AGAP1: variants seen among roughly 807,000 people sequenced by gnomAD.
AGAP1 encodes the protein arf-GAP with GTPase, ANK repeat and PH domain-containing protein 1.
In AGAP1, 29 loss-of-function variants were observed where a neutral mutation model predicts 105.3. The observed-to-expected ratio is 0.28, with a 90% CI of 0.21 to 0.38. The LOEUF (loss-of-function observed/expected upper bound fraction) is 0.38. Among genes scored for constraint, AGAP1 ranks in the 10% least tolerant of loss-of-function variants. AGAP1 has a pLI of 1.00. For missense variants in AGAP1, 998 were observed against 1,165.1 expected (o/e 0.86, Z 2.09); for synonymous variants, 509 against 485.9 (o/e 1.05, Z -0.63).
chr2:235,735,996 C>T (rs1041988641), intron 3 of AGAP1, among the ~76,000 whole-genome samples: 1 of 151,956 alleles, frequency 6.6e-6, no homozygotes, highest in Non-Finnish European at 1.5e-5. Flanking sequence ...TTCTCACCTC[C>T]CTCTGCTCTA....
intron 6 of AGAP1, among the ~76,000 whole-genome samples, chr2:235,797,189 T>C (rs533707701): frequency 1.3e-5 from 2 of 152,194 alleles, no homozygotes; most frequent in Non-Finnish European, 2.9e-5. Context: ...CTGCCTTATT[T>C]AGGATTATTT....
chr2:235,941,238 C>T (rs1158420812), intron 12 of AGAP1, among the ~76,000 whole-genome samples: 8 of 152,200 alleles, frequency 5.3e-5, no homozygotes, highest in Non-Finnish European at 1.0e-4. Context: ...TTTCCTCCCT[C>T]GGATCATCTT....
intron 1 of AGAP1, among the ~76,000 whole-genome samples, chr2:235,706,531 A>G (rs1240052491): frequency 6.6e-6 from 1 of 151,978 alleles, no homozygotes; most frequent in East Asian, 1.9e-4. Flanking sequence ...GCGTATACAT[A>G]TTTTGCACCC....
chr2:235,620,210 T>C lies in AGAP1; in HGVS notation c.164-88969T>C, dbSNP rs999503889. Among the ~76,000 whole-genome samples the C allele has an allele frequency of 6.6e-6, 1 of 152,198 alleles. No homozygotes were observed. The highest frequency in any genetic ancestry group is 2.4e-5 in the African/African-American group (1 of 41,450). ...TGCTGGGCTGTGCCTTCAAAGTATA[T>C]CCAGGATGCAGTGGCTTCCTGAGCC... On this transcript the variant is annotated intron_variant, in intron 1 of 17. Transcript: ENST00000304032. This position sits in a 1 kb window ranked among gnomAD's most constrained non-coding sequence, Gnocchi z 4.5.
Position 235,799,163 on chromosome 2 carries a change from G to A in AGAP1, c.802-204G>A, listed in dbSNP as rs1443944533. 6.6e-6 allele frequency among the ~76,000 whole-genome samples: 1 copy of A among 152,196 alleles called. No individual in the cohort carries two copies. Among genetic ancestry groups the A allele is most frequent in the East Asian group, 1.9e-4 (1 of 5,184 alleles). On this transcript the variant is annotated intron_variant, in intron 7 of 17. Coordinates refer to ENST00000304032, the MANE Select transcript of AGAP1 (RefSeq NM_001037131.3). The surrounding 1 kb of genome is among the most constrained non-coding windows in gnomAD (Gnocchi z 5.0). ...GTCACTTTTCTCAGGGGATGCCACT[G>A]AGTGAGATGATTGGCATGTTCCAGG...
intron 16 of AGAP1, among the ~76,000 whole-genome samples, chr2:236,052,832 TACA>T (rs1559229457): frequency 6.6e-6 from 1 of 152,190 alleles, no homozygotes; most frequent in Non-Finnish European, 1.5e-5. Context: ...AGAGCAATGC[TACA>T]ACAATTAACT....
chr2:235,750,293 G>A lies in AGAP1; in HGVS notation c.539-61G>A, dbSNP rs537859776. ...ACTGGTTTTCCGTGTTGTGGGGAGT[G>A]TAGGAAGTATTTAGAGCTGTCATTG... On this transcript the variant is annotated intron_variant, in intron 5 of 17. Transcript: ENST00000304032. The surrounding 1 kb of genome is among the most constrained non-coding windows in gnomAD (Gnocchi z 5.3). 206 of 1,606,438 alleles carry A rather than the reference G, an allele frequency of 1.3e-4. No homozygotes were observed. The highest frequency in any genetic ancestry group is 1.7e-4 in the Non-Finnish European group (198 of 1,173,766).
At chr2:235,774,227 T>C (rs1401561745) in intron 6 of AGAP1, 2 of 406,554 alleles carry the variant, frequency 4.9e-6, no homozygotes, top group Admixed American at 6.8e-5. Context: ...AAACTAAAAA[T>C]GCACATCTGG....
At chr2:236,106,536 G>A (rs1184770454) in intron 16 of AGAP1, among the ~76,000 whole-genome samples, 3 of 152,236 alleles carry the variant, frequency 2.0e-5, no homozygotes, top group Non-Finnish European at 4.4e-5. Flanking sequence ...AGTAGGCAGT[G>A]AAAAGCTTCG....
intron 8 of AGAP1, among the ~76,000 whole-genome samples, chr2:235,802,786 G>A (rs1484034922): frequency 2.2e-5 from 2 of 91,240 alleles, no homozygotes; most frequent in African/African-American, 9.1e-5. Flanking sequence ...TTGTGGTTGT[G>A]ATGGTGATGA....
chr2:235,823,437 T>C (rs1222145195), intron 9 of AGAP1, among the ~76,000 whole-genome samples: 1 of 152,112 alleles, frequency 6.6e-6, no homozygotes, highest in African/African-American at 2.4e-5. Flanking sequence ...CGCCCAGCTC[T>C]AGAGTGCTTT....
chr2:235,804,138 G>A (rs1296081640), intron 8 of AGAP1, among the ~76,000 whole-genome samples: 1 of 152,128 alleles, frequency 6.6e-6, no homozygotes, highest in African/African-American at 2.4e-5. Context: ...TCCAGAACAC[G>A]TTTCTCCTGC....
rs1365526560 is a variant in AGAP1 at position 236,076,202 on chromosome 2, C to T, written c.2114+26921C>T. 2.0e-5 allele frequency among the ~76,000 whole-genome samples: 3 copies of T among 152,216 alleles called. No homozygotes were observed. The highest frequency in any genetic ancestry group is 4.4e-5 in the Non-Finnish European group (3 of 68,040). On this transcript the variant is annotated intron_variant, in intron 16 of 17. Transcript: ENST00000304032. This position sits in a 1 kb window ranked among gnomAD's most constrained non-coding sequence, Gnocchi z 4.4. ...CCGTGGCTCATGCCTGTAATCCCAGCACTTTGAGAGGCCAAAGTGGGTGGA... is the reference window on the plus strand; with the variant it reads ...CCGTGGCTCATGCCTGTAATCCCAGTACTTTGAGAGGCCAAAGTGGGTGGA...
intron 1 of AGAP1, among the ~76,000 whole-genome samples, chr2:235,512,095 G>GTGTGTGTA (rs1559213190): frequency 7.0e-6 from 1 of 143,538 alleles, no homozygotes; most frequent in African/African-American, 2.6e-5. Flanking sequence ...GTGAATGTGT[G>GTGTGTGTA]TGTGTGTGAA....
chr2:235,744,629 C>T lies in AGAP1; in HGVS notation c.397-69C>T. ...CAGCCCCCTGCTGCCTGCCGCCATG[C>T]AGACATCTCTGTTCTTAATCAAGCC... On this transcript the variant is annotated intron_variant, in intron 4 of 17. Coordinates refer to ENST00000304032, the MANE Select transcript of AGAP1 (RefSeq NM_001037131.3). This position sits in a 1 kb window ranked among gnomAD's most constrained non-coding sequence, Gnocchi z 5.2. 6.3e-7 allele frequency: 1 copy of T among 1,589,690 alleles called. No individual in the cohort carries two copies. Among genetic ancestry groups the T allele is most frequent in the Non-Finnish European group, 8.6e-7 (1 of 1,161,642 alleles).
At chr2:235,995,582 C>T (rs1056825198) in intron 13 of AGAP1, among the ~76,000 whole-genome samples, 2 of 152,142 alleles carry the variant, frequency 1.3e-5, no homozygotes, top group East Asian at 3.8e-4. Context: ...TCATAGATGG[C>T]AGGCACATTC....
chr2:236,033,732 C>T (rs1395919147), intron 13 of AGAP1, among the ~76,000 whole-genome samples: 4 of 152,198 alleles, frequency 2.6e-5, no homozygotes, highest in African/African-American at 7.2e-5. Context: ...CCACAGTGAC[C>T]GAGCCCTGCA....
intron 1 of AGAP1, among the ~76,000 whole-genome samples, chr2:235,534,716 C>G (rs1397013432): frequency 6.6e-6 from 1 of 152,178 alleles, no homozygotes; most frequent in African/African-American, 2.4e-5. Context: ...TTTCCTCATT[C>G]AGGGACACGG....
Position 236,104,592 on chromosome 2 carries a change from A to G in AGAP1, c.2115-15600A>G, listed in dbSNP as rs571733420. Among the ~76,000 whole-genome samples, 1 of 152,324 alleles carries G rather than the reference A, an allele frequency of 6.6e-6. No homozygotes were observed. Among genetic ancestry groups the G allele is most frequent in the South Asian group, 2.1e-4 (1 of 4,822 alleles). The stretch of plus-strand genomic sequence containing the variant: ...TCTTAGAGAATCCAACTTGGGTTAC[A>G]AAGACAAGCGTGCACAGGCCAGGCG... On this transcript the variant is annotated intron_variant, in intron 16 of 17. Coordinates refer to ENST00000304032, the MANE Select transcript of AGAP1 (RefSeq NM_001037131.3). The surrounding 1 kb of genome is among the most constrained non-coding windows in gnomAD (Gnocchi z 4.7).
Sources: gnomAD v4.1 joint callset for allele counts (sites outside exome capture counted in the v4.1 genomes callset) on GRCh38, gnomAD v4.1.1 for gene constraint, Gnocchi (gnomAD v3.1) non-coding constraint, MANE v1.5 for transcripts, NCBI Gene and HGNC (gene_info 2026-07-23, HGNC 2026-07-21) for gene names.